The following IL1RAPL1 variants were observed in gnomAD, a reference collection of about 807,000 sequenced individuals.
IL1RAPL1 encodes the protein interleukin-1 receptor accessory protein-like 1.
A neutral mutation model predicts 48.4 loss-of-function variants in IL1RAPL1; 3 were observed. The ratio of observed to expected loss-of-function variants is 0.06; its 90% CI spans 0.03 to 0.16. IL1RAPL1 has a LOEUF of 0.16. Among genes scored for constraint, IL1RAPL1 ranks in the 10% least tolerant of loss-of-function variants. The pLI is 1.00. For missense variants in IL1RAPL1, 349 were observed against 530.6 expected (o/e 0.66, Z 3.36); for synonymous variants, 185 against 187.7 (o/e 0.99, Z 0.12).
chrX:29,854,061 T>C (rs2147200178), intron 6 of IL1RAPL1, among the ~76,000 whole-genome samples: 1 of 112,184 alleles, frequency 8.9e-6, no homozygotes, highest in South Asian at 3.7e-4. Context: ...TCTCTCATTC[T>C]CCTTCCAAAT....
intron 2 of IL1RAPL1, among the ~76,000 whole-genome samples, chrX:28,827,109 A>C (rs1365501004): frequency 9.0e-6 from 1 of 111,361 alleles, no homozygotes; most frequent in African/African-American, 3.3e-5. Context: ...AATTTACTAT[A>C]ATTAGGACAC....
At chrX:29,170,509 A>G (rs1202579790) in intron 2 of IL1RAPL1, among the ~76,000 whole-genome samples, 1 of 111,919 alleles carries the variant, frequency 8.9e-6, no homozygotes, top group Non-Finnish European at 1.9e-5. Context: ...TAGAAATTCA[A>G]TATAACTATG....
Position 28,767,256 on chromosome X carries a change from A to G in IL1RAPL1, c.-24-22064A>G, listed in dbSNP as rs111579290. Among the ~76,000 whole-genome samples, 361 of 111,256 alleles carry G rather than the reference A, an allele frequency of 3.2e-3. 3 individuals are homozygous for G. The highest frequency in any genetic ancestry group is 0.011 in the African/African-American group (347 of 30,678). ...TTTAACTGAGGTTAGATGATACCTC[A>G]TTGTAGTTTTGATTTCAGGTGACAC... is the stretch of plus-strand genomic sequence containing the variant. On this transcript the variant is annotated intron_variant, in intron 1 of 10. Transcript: ENST00000378993.
At chrX:29,582,709 C>T (rs1451131440) in intron 5 of IL1RAPL1, among the ~76,000 whole-genome samples, 6 of 49,767 alleles carry the variant, frequency 1.2e-4, no homozygotes, top group Admixed American at 5.5e-4. Flanking sequence ...CATGTCCCTA[C>T]AAAGGACATG....
chrX:29,558,649 C>A (rs956885331), intron 5 of IL1RAPL1, among the ~76,000 whole-genome samples: 2 of 111,653 alleles, frequency 1.8e-5, no homozygotes, highest in Non-Finnish European at 3.8e-5. Context: ...CTTATGTTTT[C>A]TTCCAGTAGT....
intron 2 of IL1RAPL1, among the ~76,000 whole-genome samples, chrX:29,033,511 A>C (rs1160790006): frequency 1.8e-5 from 2 of 110,968 alleles, no homozygotes; most frequent in South Asian, 3.8e-4. Context: ...GGTATAGGCG[A>C]GATGGGAGAG....
chrX:29,873,848 G>C lies in IL1RAPL1; in HGVS notation c.779-43616G>C, dbSNP rs138895568. Among the ~76,000 whole-genome samples, 446 of 111,640 alleles carry C rather than the reference G, an allele frequency of 4.0e-3. 3 individuals are homozygous for C. The highest frequency in any genetic ancestry group is 0.014 in the African/African-American group (428 of 30,735). On this transcript the variant is annotated intron_variant, in intron 6 of 10. Transcript: ENST00000378993. ...TATTACCGCAGGTCTCCTTTTCACA[G>C]ATCAGTATAGATAAGGGTAGTAGAG...
intron 5 of IL1RAPL1, among the ~76,000 whole-genome samples, chrX:29,516,471 C>G (rs1935446654): frequency 9.0e-6 from 1 of 111,285 alleles, no homozygotes; most frequent in Non-Finnish European, 1.9e-5. Context: ...GAGGTCACCA[C>G]TATTCTCAAT....
chrX:29,091,760 C>T (rs754130174), intron 2 of IL1RAPL1, among the ~76,000 whole-genome samples: 11 of 110,636 alleles, frequency 9.9e-5, no homozygotes, highest in South Asian at 3.8e-4. Flanking sequence ...CTCAGAAGTG[C>T]CATAACCTAA....
intron 6 of IL1RAPL1, among the ~76,000 whole-genome samples, chrX:29,738,699 C>T (rs758686015): frequency 5.4e-5 from 6 of 111,224 alleles, no homozygotes; most frequent in Non-Finnish European, 1.1e-4. Flanking sequence ...TTCGGCCTCC[C>T]GAGGTGCTGA....
intron 1 of IL1RAPL1, among the ~76,000 whole-genome samples, chrX:28,644,683 G>GA (rs936080548): frequency 1.3e-4 from 14 of 107,697 alleles, no homozygotes; most frequent in Admixed American, 6.0e-4. Context: ...TTCTTAAACT[G>GA]AAAAAAAAAA....
rs142541148 is a variant in IL1RAPL1, at chrX:28,919,821, A to G, written c.82+130396A>G. 9.7e-3 allele frequency among the ~76,000 whole-genome samples: 1,090 copies of G among 112,176 alleles called. 5 individuals are homozygous for G. Among genetic ancestry groups the G allele is most frequent in the Non-Finnish European group, 0.015 (779 of 53,071 alleles). On this transcript the variant is annotated intron_variant, in intron 2 of 10. Coordinates refer to ENST00000378993, the MANE Select transcript of IL1RAPL1 (RefSeq NM_014271.4). ...ATTATTTTTATAAAGTATAAAATCCATGTGACCATATAATATACTAGGACA... is the reference window on the plus strand; with the variant it reads ...ATTATTTTTATAAAGTATAAAATCCGTGTGACCATATAATATACTAGGACA...
chrX:28,705,647 T>A (rs1935366806), intron 1 of IL1RAPL1, among the ~76,000 whole-genome samples: 1 of 111,682 alleles, frequency 9.0e-6, no homozygotes, highest in African/African-American at 3.3e-5. Flanking sequence ...GTGGCCAACA[T>A]GTAAACAACA....
At chrX:28,790,951 AG>A (rs1373933734) in intron 2 of IL1RAPL1, among the ~76,000 whole-genome samples, 1 of 111,855 alleles carries the variant, frequency 8.9e-6, no homozygotes, top group Admixed American at 9.5e-5. Flanking sequence ...CACTTAAGAT[AG>A]GTTTTTGAGA....
At chrX:29,334,172 G>T (rs1409955021) in intron 3 of IL1RAPL1, among the ~76,000 whole-genome samples, 1 of 69,360 alleles carries the variant, frequency 1.4e-5, no homozygotes, top group Non-Finnish European at 2.8e-5. Context: ...CTCACCTCCC[G>T]GACGGGGCGG....
At chrX:28,683,629 TAAAC>T (rs1935083797) in intron 1 of IL1RAPL1, among the ~76,000 whole-genome samples, 1 of 112,289 alleles carries the variant, frequency 8.9e-6, no homozygotes, top group Non-Finnish European at 1.9e-5. Flanking sequence ...CTTAGTGGCT[TAAAC>T]AACACAAATT....
At chrX:28,785,782 T>C (rs1936467039) in intron 1 of IL1RAPL1, among the ~76,000 whole-genome samples, 1 of 112,289 alleles carries the variant, frequency 8.9e-6, no homozygotes, top group Non-Finnish European at 1.9e-5. Flanking sequence ...TCTAATTAAA[T>C]AGGTAAGCAT....
intron 6 of IL1RAPL1, among the ~76,000 whole-genome samples, chrX:29,695,878 T>G (rs750889077): frequency 9.0e-6 from 1 of 111,491 alleles, no homozygotes; most frequent in East Asian, 2.8e-4. Context: ...ACTTATGCTA[T>G]TCTTATTGCT....
At chrX:28,781,230 T>C (rs192462409) in intron 1 of IL1RAPL1, among the ~76,000 whole-genome samples, 2 of 110,599 alleles carry the variant, frequency 1.8e-5, no homozygotes, top group Non-Finnish European at 3.8e-5. Flanking sequence ...TCTTAGGTCT[T>C]ATCTGAGACT....
Sources: gnomAD v4.1 joint callset for allele counts (sites outside exome capture counted in the v4.1 genomes callset) on GRCh38, gnomAD v4.1.1 for gene constraint, MANE v1.5 for transcripts, NCBI Gene and HGNC (gene_info 2026-07-23, HGNC 2026-07-21) for gene names.